DTNA: variants seen among roughly 807,000 people sequenced by gnomAD.
The protein encoded by DTNA is dystrobrevin alpha.
In DTNA, 43 loss-of-function variants were observed where a neutral mutation model predicts 100.7. The observed-to-expected ratio is 0.43, with a 90% CI of 0.33 to 0.55. The LOEUF is 0.55. DTNA is among the 20% of genes least tolerant of loss of function. The pLI is 0.04. For missense variants in DTNA, 798 were observed against 953.9 expected, an observed-to-expected ratio of 0.84 and a Z score of 2.15; for synonymous variants, 349 against 347.9, an observed-to-expected ratio of 1.00 and a Z score of -0.04.
intron 1 of DTNA, among the ~76,000 whole-genome samples, chr18:34,743,884 C>A (rs1185709865): frequency 6.6e-6 from 1 of 152,080 alleles, no homozygotes. Context: ...GGCATCCTCC[C>A]ACCCACCCAT....
chr18:34,737,241 C>G, intron 1 of DTNA, among the ~76,000 whole-genome samples: 1 of 152,122 alleles, frequency 6.6e-6, no homozygotes, highest in East Asian at 1.9e-4. Context: ...GCAAGCTGTA[C>G]CTATGAAGGC....
At chr18:34,690,463 C>T (rs998716609) in intron 1 of DTNA, among the ~76,000 whole-genome samples, 1 of 152,130 alleles carries the variant, frequency 6.6e-6, no homozygotes, top group African/African-American at 2.4e-5. Flanking sequence ...GTGGGCTATA[C>T]CCACTGTCTA....
intron 1 of DTNA, among the ~76,000 whole-genome samples, chr18:34,636,622 G>A (rs1227954827): frequency 6.6e-6 from 1 of 152,152 alleles, no homozygotes; most frequent in African/African-American, 2.4e-5. Flanking sequence ...TAACATGTTA[G>A]CATTATGATG....
At chr18:34,639,060 C>T (rs1481384846) in intron 1 of DTNA, among the ~76,000 whole-genome samples, 1 of 152,150 alleles carries the variant, frequency 6.6e-6, no homozygotes, top group African/African-American at 2.4e-5. Context: ...AGGCTGGTCT[C>T]GAACTCCTGA....
chr18:34,815,809 G>A (rs1057320911), intron 6 of DTNA, 100 bp from the exon 7 acceptor site: 7 of 1,011,646 alleles, frequency 6.9e-6, no homozygotes, highest in South Asian at 6.5e-5. Context: ...GACATTTATT[G>A]AGTGCTCTTT....
intron 3 of DTNA, among the ~76,000 whole-genome samples, chr18:34,779,172 A>G (rs1173794961): frequency 6.6e-6 from 1 of 152,240 alleles, no homozygotes; most frequent in Non-Finnish European, 1.5e-5. Context: ...CAACAATTTC[A>G]GATAGGAGCA....
chr18:34,572,194 C>T (rs1293500170), intron 1 of DTNA, among the ~76,000 whole-genome samples: 1 of 152,192 alleles, frequency 6.6e-6, no homozygotes, highest in African/African-American at 2.4e-5. Flanking sequence ...ATGCTCAGAA[C>T]CCAGCCCTAG....
intron 4 of DTNA, among the ~76,000 whole-genome samples, chr18:34,794,997 A>G (rs1020905197): frequency 7.9e-5 from 12 of 152,332 alleles, no homozygotes; most frequent in African/African-American, 2.9e-4. Flanking sequence ...TTACCAAGGT[A>G]TATGTGGATT....
At chr18:34,622,448 T>A (rs2056675664) in intron 1 of DTNA, among the ~76,000 whole-genome samples, 1 of 152,148 alleles carries the variant, frequency 6.6e-6, no homozygotes, top group South Asian at 2.1e-4. Context: ...GTGGTTAATT[T>A]GAGGTGTCAA....
At chr18:34,668,566 G>C (rs1019732029) in intron 1 of DTNA, among the ~76,000 whole-genome samples, 2 of 151,918 alleles carry the variant, frequency 1.3e-5, no homozygotes, top group Admixed American at 6.6e-5. Flanking sequence ...GGCATTTAGT[G>C]CTATAAATTT....
chr18:34,725,509 A>G (rs1281669535), intron 1 of DTNA, among the ~76,000 whole-genome samples: 2 of 152,240 alleles, frequency 1.3e-5, no homozygotes, highest in African/African-American at 2.4e-5. Context: ...GCTCATCATC[A>G]CTGGTCATTA....
At chr18:34,768,978 T>C (rs1395506114) in intron 3 of DTNA, among the ~76,000 whole-genome samples, 1 of 152,184 alleles carries the variant, frequency 6.6e-6, no homozygotes, top group African/African-American at 2.4e-5. Context: ...AGGACTTTCC[T>C]AGAGAAGGAG....
At chr18:34,779,858 A>G (rs1174514354) in intron 3 of DTNA, among the ~76,000 whole-genome samples, 4 of 152,198 alleles carry the variant, frequency 2.6e-5, no homozygotes, top group African/African-American at 7.2e-5. Flanking sequence ...ATTCCTTAGT[A>G]TACAAATTTA....
Position 34,594,623 on chromosome 18 carries a change from A to G in DTNA, c.-2+101109A>G, listed in dbSNP as rs527411465. Among the ~76,000 whole-genome samples the G allele has an allele frequency of 1.3e-5, 2 of 152,300 alleles. 1 individual carries two copies. The highest frequency in any genetic ancestry group is 4.1e-4 in the South Asian group (2 of 4,824). ...ACAAACAATGAAGGGCTTCTTATGGATTTTTCATTCAACTTTGATGAGAAT... is the reference window on the plus strand; with the variant it reads ...ACAAACAATGAAGGGCTTCTTATGGGTTTTTCATTCAACTTTGATGAGAAT... On this transcript the variant is annotated intron_variant, in intron 1 of 19. Coordinates refer to the DTNA transcript ENST00000283365.
chr18:34,553,737 A>C (rs538403608), intron 1 of DTNA, among the ~76,000 whole-genome samples: 1 of 152,026 alleles, frequency 6.6e-6, no homozygotes, highest in South Asian at 2.1e-4. Context: ...CCATTGATCT[A>C]TATCTCTGTT....
At chr18:34,549,788 C>G (rs770235980) in intron 1 of DTNA, among the ~76,000 whole-genome samples, 1 of 151,814 alleles carries the variant, frequency 6.6e-6, no homozygotes, top group African/African-American at 2.4e-5. Context: ...ACAACTATTG[C>G]CTTTTATTAC....
chr18:34,728,009 CATGGGTA>C (rs2087128663), intron 1 of DTNA, among the ~76,000 whole-genome samples: 1 of 152,070 alleles, frequency 6.6e-6, no homozygotes, highest in Non-Finnish European at 1.5e-5. Flanking sequence ...AATGACTGTC[CATGGGTA>C]ATAGATTAAT....
At chr18:34,556,714 CT>C (rs1442727340) in intron 1 of DTNA, among the ~76,000 whole-genome samples, 1 of 125,334 alleles carries the variant, frequency 8.0e-6, no homozygotes, top group Non-Finnish European at 1.8e-5. Flanking sequence ...TCTCTTCTGG[CT>C]TGTAGGGTTT....
intron 1 of DTNA, among the ~76,000 whole-genome samples, chr18:34,699,392 A>G (rs2081062650): frequency 6.6e-6 from 1 of 152,192 alleles, no homozygotes; most frequent in Admixed American, 6.5e-5. Context: ...TTTTATTCAG[A>G]CACTGTAATT....
Sources: allele counts gnomAD v4.1 joint callset (sites outside exome capture counted in the v4.1 genomes callset), GRCh38; gene constraint gnomAD v4.1.1; transcripts MANE v1.5; gene names NCBI Gene and HGNC (gene_info 2026-07-23, HGNC 2026-07-21).